Variants in UVSSA observed in about 807,000 individuals in gnomAD.
The protein encoded by UVSSA is UV-stimulated scaffold protein A.
A neutral mutation model predicts 73.9 loss-of-function variants in UVSSA; 72 were observed. The observed-to-expected ratio is 0.97, with a 90% CI of 0.81 to 1.19. The LOEUF (loss-of-function observed/expected upper bound fraction) is 1.19, where lower values mean the gene tolerates loss of function less well. Among genes scored for constraint, UVSSA ranks in the 50% most tolerant of loss-of-function variants. UVSSA has a pLI of 0.00. For synonymous variants in UVSSA, 454 were observed against 391.3 expected (o/e 1.16, Z -1.89); for missense variants, 1,150 against 965.0 (o/e 1.19, Z -2.54).
chr4:1,342,477 C>CT (rs892960026), upstream of UVSSA, among the ~76,000 whole-genome samples: 4 of 152,194 alleles, frequency 2.6e-5, no homozygotes, highest in Non-Finnish European at 5.9e-5. Flanking sequence ...ACTTTATTGA[C>CT]TGTCATTTGA....
rs1003606043 is a variant in UVSSA, at chr4:1,351,737, C to T, written c.452C>T (p.Ala151Val). 6.2e-7 allele frequency: 1 copy of T among 1,613,344 alleles called. No homozygotes were observed. Among genetic ancestry groups the T allele is most frequent in the African/African-American group, 1.3e-5 (1 of 74,922 alleles). ...CAGGTGGATTTTCAAGACACGAATG[C>T]TCGGAGTCTGGCAGAAAGGAAGAGA... ...NKKVDFQDTN[A>V]RSLAERKREE... Residue 151 changes from alanine to valine, a missense_variant, in exon 4 of 14, where the codon GCT becomes GTT. Coordinates refer to ENST00000389851, the MANE Select transcript of UVSSA (RefSeq NM_020894.4).
chr4:1,363,338 G>GT (rs1412240728), intron 7 of UVSSA, among the ~76,000 whole-genome samples: 1 of 152,154 alleles, frequency 6.6e-6, no homozygotes, highest in Non-Finnish European at 1.5e-5. Context: ...TCACAGAAAT[G>GT]AACCATTATT....
In UVSSA at chr4:1,351,804, A is replaced by G; in HGVS notation, c.519A>G (p.Glu173=). ...KQKHLDKIYQ[E]RASQAEREMQ... is the part of the protein sequence containing the mutation. ...AGCACTTGGATAAAATTTATCAAGA[A>G]AGAGCCAGCCAGGCGGAGAGGGAGA... is the stretch of plus-strand genomic sequence containing the variant. Residue 173 remains glutamate (E), a synonymous_variant, in exon 4 of 14, where the codon GAA becomes GAG. Coordinates refer to ENST00000389851, the MANE Select transcript of UVSSA (RefSeq NM_020894.4). 1 of 1,613,678 alleles carries G rather than the reference A, an allele frequency of 6.2e-7. No homozygotes were observed. The highest frequency in any genetic ancestry group is 1.1e-5 in the South Asian group (1 of 91,086).
intron 12 of UVSSA, among the ~76,000 whole-genome samples, chr4:1,381,209 G>A (rs984534029): frequency 1.2e-4 from 19 of 152,222 alleles, no homozygotes; most frequent in Non-Finnish European, 4.4e-5. Flanking sequence ...AGGGGGTCAC[G>A]TGTTCATGAG....
chr4:1,346,069 G>C (rs1713645688), upstream of UVSSA, among the ~76,000 whole-genome samples: 2 of 152,176 alleles, frequency 1.3e-5, no homozygotes, highest in African/African-American at 4.8e-5. Context: ...TGCAAGCTAG[G>C]AGCTGGGAGC....
intron 3 of UVSSA, 144 bp from the exon 4 acceptor site, chr4:1,351,571 A>G (rs1714755343): frequency 3.8e-6 from 3 of 782,280 alleles, no homozygotes; most frequent in East Asian, 3.9e-5. Context: ...TTGTATTTTT[A>G]GTAGAGATGG....
intron 11 of UVSSA, 42 bp from the exon 12 acceptor site, chr4:1,380,838 G>A (rs775261658): frequency 7.5e-6 from 12 of 1,599,198 alleles, no homozygotes; most frequent in East Asian, 4.5e-5. Context: ...CAAGGCAAGC[G>A]GACCCCTCCC....
At chr4:1,385,388 T>TG (rs1484087505) in intron 13 of UVSSA, 1 of 205,528 alleles carries the variant, frequency 4.9e-6, no homozygotes, top group East Asian at 1.3e-4. Context: ...CACCTCATCC[T>TG]GCTCCCCGGA....
At chr4:1,394,678 T>G in exon 14 of UVSSA, 1 of 1,575,630 alleles carries the variant, frequency 6.3e-7, no homozygotes, top group African/African-American at 1.5e-5. Context: ...GCCCGCCTGC[T>G]CACACGTGCC....
At chr4:1,362,296 C>G (rs143435154) in intron 7 of UVSSA, among the ~76,000 whole-genome samples, 70 of 152,268 alleles carry the variant, frequency 4.6e-4, no homozygotes, top group African/African-American at 1.6e-3. Flanking sequence ...CTCTCCATGT[C>G]GAGGGGTCTA....
At chr4:1,347,023 C>A (rs7690727), upstream of UVSSA, among the ~76,000 whole-genome samples, 73,577 of 152,004 alleles carry the variant, frequency 0.48, 18,390 homozygotes, top group Non-Finnish European at 0.52. Flanking sequence ...AGGGCACGTG[C>A]TAGGGGGCGG....
chr4:1,361,852 A>ATTT (rs59450439), intron 7 of UVSSA, among the ~76,000 whole-genome samples: 5 of 143,054 alleles, frequency 3.5e-5, no homozygotes, highest in Admixed American at 1.4e-4. Context: ...GCCTTACATC[A>ATTT]TTTTTTTTTT....
exon 14 of UVSSA, chr4:1,395,391 C>G (rs140152734): frequency 3.8e-6 from 6 of 1,574,458 alleles, no homozygotes; most frequent in Non-Finnish European, 5.2e-6. Flanking sequence ...CCTGCTCACA[C>G]GTGCCCATGT....
chr4:1,349,464 T>G, intron 2 of UVSSA, 60 bp from the exon 3 acceptor site: 1 of 1,529,914 alleles, frequency 6.5e-7, no homozygotes, highest in South Asian at 1.2e-5. Flanking sequence ...GCACGGAGAG[T>G]CTCCCCCCGC....
chr4:1,361,885 GACAC>G (rs1478825601), intron 7 of UVSSA, among the ~76,000 whole-genome samples: 1 of 149,572 alleles, frequency 6.7e-6, no homozygotes, highest in East Asian at 2.0e-4. Context: ...AAGGGAAACA[GACAC>G]ACATAAAACT....
At chr4:1,346,122 G>T (rs1202256978), upstream of UVSSA, among the ~76,000 whole-genome samples, 3 of 152,168 alleles carry the variant, frequency 2.0e-5, no homozygotes, top group Non-Finnish European at 4.4e-5. Flanking sequence ...AGAGAGGGGC[G>T]GCGCAGGGAG....
chr4:1,377,714 G>A (rs541813464), intron 10 of UVSSA, among the ~76,000 whole-genome samples: 2 of 152,318 alleles, frequency 1.3e-5, no homozygotes, highest in African/African-American at 4.8e-5. Context: ...TGAGGACCCG[G>A]TTAGTCCTGG....
intron 7 of UVSSA, among the ~76,000 whole-genome samples, chr4:1,362,032 C>T (rs759242715): frequency 5.9e-5 from 9 of 152,206 alleles, no homozygotes; most frequent in East Asian, 1.9e-4. Context: ...CCCCTTCACA[C>T]GGCCTCTCCT....
intron 8 of UVSSA, 123 bp from the exon 9 acceptor site, chr4:1,375,241 C>T: frequency 6.0e-6 from 9 of 1,494,152 alleles, no homozygotes; most frequent in South Asian, 1.3e-5. Context: ...CAGGCACCCA[C>T]CTCGGGACTG....
Sources: gnomAD v4.1 joint callset for allele counts (sites outside exome capture counted in the v4.1 genomes callset) on GRCh38, gnomAD v4.1.1 for gene constraint, MANE v1.5 for transcripts, NCBI Gene and HGNC (gene_info 2026-07-23, HGNC 2026-07-21) for gene names.